Variants in SORCS2 observed in about 807,000 individuals in gnomAD.
SORCS2 encodes the protein sortilin related VPS10 domain containing receptor 2, also known as VPS10 domain-containing receptor SorCS2.
Under a neutral mutation model 141.6 loss-of-function variants are expected in SORCS2, and 100 were observed. That is an observed-to-expected ratio of 0.71 (90% confidence interval 0.60 to 0.83). The LOEUF (loss-of-function observed/expected upper bound fraction) is 0.83. SORCS2 is among the 40% of genes least tolerant of loss of function. SORCS2 has a pLI of 0.00. For missense variants in SORCS2, 1,646 were observed against 1,560.2 expected (o/e 1.05, Z -0.93); for synonymous variants, 789 against 676.9 (o/e 1.17, Z -2.57).
rs375376459 is a variant in SORCS2 at position 7,393,176 on chromosome 4, G to A, written c.481-3112G>A. Among the ~76,000 whole-genome samples, 22 of 152,150 alleles carry A rather than the reference G, an allele frequency of 1.4e-4. No individual in the cohort carries two copies. The South Asian group carries it at 2.5e-3, about 17-fold the overall frequency. Reference sequence around the variant, plus strand: ...GGACAGCAGTAGCTCTTCTTTCCTCGTCTGTTGCTTGGACATTCCTGGCCG... The same window carrying A: ...GGACAGCAGTAGCTCTTCTTTCCTCATCTGTTGCTTGGACATTCCTGGCCG... On this transcript the variant is annotated intron_variant, in intron 1 of 26. Coordinates refer to ENST00000507866, the MANE Select transcript of SORCS2 (RefSeq NM_020777.3).
In SORCS2 at chr4:7,321,351, G is replaced by A. The variant is rs372316918; in HGVS notation, c.481-74937G>A. 1.9e-4 allele frequency among the ~76,000 whole-genome samples: 29 copies of A among 152,214 alleles called. 1 individual carries two copies. In the South Asian group the frequency reaches 5.8e-3, roughly 31 times the overall value. On this transcript the variant is annotated intron_variant, in intron 1 of 26. Coordinates refer to ENST00000507866, the MANE Select transcript of SORCS2 (RefSeq NM_020777.3). ...TCTTTATTCACTCATTGGTTGATGG[G>A]CACTTAGGGTGGTTAGAAAACCTTA...
At chr4:7,699,299 C>T (rs1368525407) in intron 12 of SORCS2, among the ~76,000 whole-genome samples, 1 of 152,150 alleles carries the variant, frequency 6.6e-6, no homozygotes, top group Non-Finnish European at 1.5e-5. Flanking sequence ...CTGGAGCCAC[C>T]TTTTCCCAGA....
rs116492766 is a variant in SORCS2, at chr4:7,421,560, A to C, written c.548+25205A>C. On this transcript the variant is annotated intron_variant, in intron 2 of 26. Coordinates refer to ENST00000507866, the MANE Select transcript of SORCS2 (RefSeq NM_020777.3). Reference sequence around the variant, plus strand: ...TCATCGTCGTTCATGGTCATTCTTTAGCAGCACTGTACTTCTTGGCAATGG... The same window carrying C: ...TCATCGTCGTTCATGGTCATTCTTTCGCAGCACTGTACTTCTTGGCAATGG... 1.4e-3 allele frequency among the ~76,000 whole-genome samples: 206 copies of C among 152,216 alleles called. 1 individual carries two copies. The highest frequency in any genetic ancestry group is 4.8e-3 in the African/African-American group (198 of 41,512).
At chr4:7,576,588 C>A (rs1474748941) in intron 3 of SORCS2, among the ~76,000 whole-genome samples, 1 of 152,088 alleles carries the variant, frequency 6.6e-6, no homozygotes, top group Non-Finnish European at 1.5e-5. Flanking sequence ...GGGAAAAGAC[C>A]CAAAGAGCTG....
intron 2 of SORCS2, among the ~76,000 whole-genome samples, chr4:7,430,031 T>C (rs961251189): frequency 7.2e-5 from 11 of 152,230 alleles, no homozygotes; most frequent in African/African-American, 2.6e-4. Context: ...CACTCGGGTG[T>C]GCTGGGGAAG....
intron 3 of SORCS2, among the ~76,000 whole-genome samples, chr4:7,544,679 G>A (rs911908553): frequency 6.6e-6 from 1 of 152,250 alleles, no homozygotes; most frequent in African/African-American, 2.4e-5. Context: ...AGAGGGAGCT[G>A]GGGTATTGAC....
chr4:7,527,373 G>GGAGGGAGCCA (rs1443366167), intron 2 of SORCS2, among the ~76,000 whole-genome samples: 1 of 152,246 alleles, frequency 6.6e-6, no homozygotes, highest in African/African-American at 2.4e-5. Context: ...GTAATCACAA[G>GGAGGGAGCCA]GAGGGAGCCA....
At chr4:7,554,182 G>C (rs992770093) in intron 3 of SORCS2, among the ~76,000 whole-genome samples, 2 of 152,192 alleles carry the variant, frequency 1.3e-5, no homozygotes, top group Non-Finnish European at 2.9e-5. Context: ...GGGGAGGACA[G>C]GACCAGGGAG....
intron 2 of SORCS2, among the ~76,000 whole-genome samples, chr4:7,397,945 C>T (rs1461576638): frequency 1.3e-5 from 2 of 152,206 alleles, no homozygotes. Context: ...TCCTCCTTGG[C>T]ATGGAGGGAT....
At chr4:7,539,680 A>ACCCCCGTTATGGAGGCCCCAC (rs1553881099) in intron 3 of SORCS2, among the ~76,000 whole-genome samples, 1 of 134,228 alleles carries the variant, frequency 7.5e-6, no homozygotes, top group Non-Finnish European at 1.6e-5. Flanking sequence ...CAAGGCCCCG[A>ACCCCCGTTATGGAGGCCCCAC]CCCCCGTTAT....
chr4:7,196,007 G>A (rs1727145655), intron 1 of SORCS2, among the ~76,000 whole-genome samples: 1 of 152,218 alleles, frequency 6.6e-6, no homozygotes, highest in Admixed American at 6.5e-5. Context: ...CATGGCTTTT[G>A]AGAGCATCCC....
At chr4:7,371,705 G>C (rs1286316416) in intron 1 of SORCS2, among the ~76,000 whole-genome samples, 1 of 152,192 alleles carries the variant, frequency 6.6e-6, no homozygotes, top group African/African-American at 2.4e-5. Context: ...CTGCCGCATA[G>C]CCACCTACAC....
intron 1 of SORCS2, among the ~76,000 whole-genome samples, chr4:7,331,756 G>A (rs1439090253): frequency 6.6e-6 from 1 of 152,222 alleles, no homozygotes; most frequent in Non-Finnish European, 1.5e-5. Context: ...CGGGTCTGCA[G>A]AGCGCCTTGG....
chr4:7,544,324 A>G (rs1713079798), intron 3 of SORCS2, among the ~76,000 whole-genome samples: 1 of 152,242 alleles, frequency 6.6e-6, no homozygotes, highest in African/African-American at 2.4e-5. Flanking sequence ...ATTGGTGAGC[A>G]GGGACAGGGT....
intron 1 of SORCS2, among the ~76,000 whole-genome samples, chr4:7,225,065 T>C (rs1728919596): frequency 1.3e-5 from 2 of 152,366 alleles, no homozygotes; most frequent in Middle Eastern, 3.4e-3. Flanking sequence ...CAGACTCCTA[T>C]TGATCCTTCA....
rs563372484 is a variant in SORCS2 at position 7,663,737 on chromosome 4, AGAGGAGGAG to A, written c.953-608_953-600del. On this transcript the variant is annotated intron_variant, in intron 6 of 26. Coordinates refer to ENST00000507866, the MANE Select transcript of SORCS2 (RefSeq NM_020777.3). This position sits in a 1 kb window ranked among gnomAD's most constrained non-coding sequence, Gnocchi z 4.8. Reference sequence around the variant, plus strand: ...AGGAGGAGGAAAAGGAAGAGGAGGAAGAGGAGGAGGAGGAGGCACCCTTCCCTTGGTCCC... The same window carrying A: ...AGGAGGAGGAAAAGGAAGAGGAGGAAGAGGAGGCACCCTTCCCTTGGTCCC... Among the ~76,000 whole-genome samples, 1 of 152,074 alleles carries A rather than the reference AGAGGAGGAG, an allele frequency of 6.6e-6. No individual in the cohort carries two copies. The highest frequency in any genetic ancestry group is 1.5e-5 in the Non-Finnish European group (1 of 67,990).
chr4:7,495,542 C>G (rs1351559240), intron 2 of SORCS2, among the ~76,000 whole-genome samples: 4 of 152,162 alleles, frequency 2.6e-5, no homozygotes, highest in Admixed American at 2.0e-4. Context: ...GCGATTTTCT[C>G]CTTGGCACCC....
chr4:7,704,461 G>A (rs1415826578), intron 14 of SORCS2, among the ~76,000 whole-genome samples, 177 bp downstream of exon 14: 2 of 152,236 alleles, frequency 1.3e-5, no homozygotes, highest in East Asian at 3.9e-4. Flanking sequence ...CTCCACCATG[G>A]CCACGGCACC....
chr4:7,736,999 C>G, intron 25 of SORCS2, 70 bp from the exon 26 acceptor site: 1 of 1,533,488 alleles, frequency 6.5e-7, no homozygotes, highest in South Asian at 1.2e-5. Flanking sequence ...AGGCGGCCAG[C>G]GGAAGGCTCC....
Sources: gnomAD v4.1 joint callset for allele counts (sites outside exome capture counted in the v4.1 genomes callset) on GRCh38, gnomAD v4.1.1 for gene constraint, Gnocchi (gnomAD v3.1) non-coding constraint, MANE v1.5 for transcripts, NCBI Gene and HGNC (gene_info 2026-07-23, HGNC 2026-07-21) for gene names.